PLOD2: variants seen among roughly 807,000 people sequenced by gnomAD.
PLOD2 encodes the protein procollagen-lysine,2-oxoglutarate 5-dioxygenase 2, also known as lysine hydroxylase 2.
PLOD2 carries 65 observed loss-of-function variants against 101.0 expected under a neutral mutation model. The ratio of observed to expected loss-of-function variants is 0.64; its 90% CI spans 0.53 to 0.79. The LOEUF (loss-of-function observed/expected upper bound fraction) is 0.79, where lower values mean the gene tolerates loss of function less well. PLOD2 is among the 30% of genes least tolerant of loss of function. The probability of loss-of-function intolerance (pLI) is 0.00; values close to 1 mark genes in which losing one functional copy is unlikely to be tolerated. For missense variants in PLOD2, 909 were observed against 914.6 expected, an observed-to-expected ratio of 0.99 and a Z score of 0.08; for synonymous variants, 314 against 302.9, an observed-to-expected ratio of 1.04 and a Z score of -0.38.
At chr3:146,152,161 G>A (rs941928725) in intron 1 of PLOD2, among the ~76,000 whole-genome samples, 3 of 152,198 alleles carry the variant, frequency 2.0e-5, no homozygotes, top group African/African-American at 7.2e-5. Flanking sequence ...GCTCATGCCT[G>A]TAATCCCAGC....
In PLOD2 at chr3:146,097,047, G is replaced by C. The variant is rs1289304932; in HGVS notation, c.778-5146C>G. Among the ~76,000 whole-genome samples the C allele has an allele frequency of 6.1e-5, 9 of 148,450 alleles. No individual in the cohort carries two copies. The East Asian group carries it at 1.5e-3, about 24-fold the overall frequency. On this transcript the variant is annotated intron_variant, in intron 7 of 19. Coordinates refer to ENST00000282903, the MANE Select transcript of PLOD2 (RefSeq NM_182943.3). ...GCCAGCCGCCCCGTCCGGGAGGTGA[G>C]GGGCTCCTCTGCCCGGCCGCCCCTA...
chr3:146,120,444 C>T (rs947559541), intron 3 of PLOD2, among the ~76,000 whole-genome samples: 8 of 147,678 alleles, frequency 5.4e-5, no homozygotes, highest in African/African-American at 1.9e-4. Context: ...TGATCCCTTC[C>T]TTACACCTTA....
chr3:146,115,274 C>T (rs1267465830), intron 3 of PLOD2, among the ~76,000 whole-genome samples: 2 of 152,070 alleles, frequency 1.3e-5, no homozygotes, highest in Non-Finnish European at 2.9e-5. Context: ...TAAAATTTTC[C>T]ACATATAACT....
chr3:146,121,777 A>C (rs1440697530), intron 2 of PLOD2, among the ~76,000 whole-genome samples: 1 of 152,178 alleles, frequency 6.6e-6, no homozygotes, highest in Non-Finnish European at 1.5e-5. Context: ...CTAAAGCTTA[A>C]TAAGGATTTT....
chr3:146,085,930 G>A (rs898514849), intron 10 of PLOD2: 1 of 152,116 alleles, frequency 6.6e-6, no homozygotes, highest in Non-Finnish European at 1.5e-5. Context: ...ATATTTGTTC[G>A]AAGCAACTAT....
chr3:146,096,134 C>T (rs1937151251), intron 7 of PLOD2, among the ~76,000 whole-genome samples: 2 of 150,300 alleles, frequency 1.3e-5, no homozygotes, highest in Non-Finnish European at 3.0e-5. Flanking sequence ...AGTGATCCGC[C>T]AGCCTCGGCC....
At chr3:146,100,141 A>C (rs1159931606) in intron 7 of PLOD2, among the ~76,000 whole-genome samples, 1 of 152,174 alleles carries the variant, frequency 6.6e-6, no homozygotes. Context: ...TAAGCCTTGC[A>C]AAGTGCTGGG....
intron 3 of PLOD2, among the ~76,000 whole-genome samples, chr3:146,119,147 A>G (rs1009979699): frequency 7.9e-5 from 12 of 152,084 alleles, no homozygotes; most frequent in African/African-American, 2.9e-4. Context: ...TGATGTTCTC[A>G]TTATAGAGTT....
intron 2 of PLOD2, among the ~76,000 whole-genome samples, chr3:146,122,801 T>C (rs1348479322): frequency 6.6e-6 from 1 of 152,184 alleles, no homozygotes; most frequent in Non-Finnish European, 1.5e-5. Context: ...CCTTACATGG[T>C]TCATATAGTG....
chr3:146,124,290 A>T (rs2030406151), intron 1 of PLOD2, 61 bp from the exon 2 acceptor site: 1 of 896,716 alleles, frequency 1.1e-6, no homozygotes, highest in African/African-American at 1.6e-5. Flanking sequence ...CACATTTTAC[A>T]ACTCACTACA....
rs1192935387 is a variant in PLOD2 at position 146,085,060 on chromosome 3, ATAAC to A, written c.1232+105_1232+108del. The A allele has an allele frequency of 3.3e-5, 21 of 633,740 alleles. No homozygotes were observed. In the East Asian group the frequency reaches 3.3e-4, roughly 10 times the overall value. The allele number at this position is 633,740 out of a possible 1,614,324, so 39.3% of individuals were successfully genotyped here. A position where few individuals can be genotyped will look rare whatever the true frequency, so the allele number is the denominator to read the frequency against. The stretch of plus-strand genomic sequence containing the variant: ...ATTGAAAGTTTATTAGCTGTAGAAC[ATAAC>A]TAAGTTCCCTCAATTTACTAAATAC... On this transcript the variant is annotated intron_variant, in intron 11 of 19. Coordinates refer to ENST00000282903, the MANE Select transcript of PLOD2 (RefSeq NM_182943.3).
intron 1 of PLOD2, among the ~76,000 whole-genome samples, chr3:146,127,089 C>G (rs2030611682): frequency 6.6e-6 from 1 of 152,144 alleles, no homozygotes; most frequent in Non-Finnish European, 1.5e-5. Flanking sequence ...CATACAAACA[C>G]AAAATTCAGT....
At chr3:146,082,650 T>G (rs1281841992) in intron 11 of PLOD2, among the ~76,000 whole-genome samples, 1 of 152,148 alleles carries the variant, frequency 6.6e-6, no homozygotes, top group Non-Finnish European at 1.5e-5. Context: ...CCCAGCACTT[T>G]GGGAAGCCGA....
intron 7 of PLOD2, among the ~76,000 whole-genome samples, chr3:146,095,577 G>A (rs1306284351): frequency 2.0e-5 from 3 of 152,092 alleles, no homozygotes; most frequent in South Asian, 2.1e-4. Context: ...GTGAGGATAC[G>A]GAGAAATAGG....
intron 1 of PLOD2, among the ~76,000 whole-genome samples, chr3:146,158,751 G>A (rs2032422652): frequency 6.6e-6 from 1 of 151,320 alleles, no homozygotes; most frequent in African/African-American, 2.4e-5. Context: ...AAACATCAAT[G>A]CACAGGATAG....
Position 146,110,432 on chromosome 3 carries a change from C to A in PLOD2, c.355G>T (p.Ala119Ser), listed in dbSNP as rs1937608773. The change falls in exon 4 of 20, where the codon GCT becomes TCT. Residue 119 changes from alanine to serine, a missense_variant. Physicochemically the swap from Ala to Ser is moderately conservative, Grantham distance 99. Coordinates refer to ENST00000282903, the MANE Select transcript of PLOD2 (RefSeq NM_182943.3). ...TTTAGAACTTCTTCTGGACCACCAG[C>A]AAATATGACATCAAAGCTGTTCAAT... is the stretch of plus-strand genomic sequence containing the variant. ...MFTECFDVIF[A>S]GGPEEVLKKF... 1 of 1,612,530 alleles carries A rather than the reference C, an allele frequency of 6.2e-7. No homozygotes were observed. Among genetic ancestry groups the A allele is most frequent in the Non-Finnish European group, 8.5e-7 (1 of 1,179,452 alleles).
chr3:146,158,805 C>T (rs1187640079), intron 1 of PLOD2, among the ~76,000 whole-genome samples: 1 of 151,960 alleles, frequency 6.6e-6, no homozygotes, highest in African/African-American at 2.4e-5. Context: ...GTCAATAGGG[C>T]CAAGAAATTG....
intron 1 of PLOD2, among the ~76,000 whole-genome samples, chr3:146,133,426 A>G (rs563133454): frequency 3.3e-4 from 50 of 152,294 alleles, no homozygotes; most frequent in African/African-American, 1.2e-3. Context: ...ACAAAAAAAC[A>G]CTTTACTTAG....
At chr3:146,154,835 T>G (rs1255368199) in intron 1 of PLOD2, among the ~76,000 whole-genome samples, 1 of 152,200 alleles carries the variant, frequency 6.6e-6, no homozygotes, top group Non-Finnish European at 1.5e-5. Flanking sequence ...TAACTAAGTA[T>G]GTAAATGCAT....
Sources: allele counts gnomAD v4.1 joint callset (sites outside exome capture counted in the v4.1 genomes callset), GRCh38; gene constraint gnomAD v4.1.1; transcripts MANE v1.5; gene names NCBI Gene and HGNC (gene_info 2026-07-23, HGNC 2026-07-21).